DCDC1: variants seen among roughly 807,000 people sequenced by gnomAD.
DCDC1 encodes doublecortin domain containing 1.
DCDC1 carries 200 observed loss-of-function variants against 178.3 expected under a neutral mutation model. The observed-to-expected ratio is 1.12, with a 90% CI of 1.00 to 1.26. DCDC1 has a LOEUF of 1.26. DCDC1 is among the 50% of genes most tolerant of loss of function. DCDC1 has a pLI of 0.00. For missense variants in DCDC1, 1,983 were observed against 1,749.2 expected (o/e 1.13, Z -2.38); for synonymous variants, 690 against 604.8 (o/e 1.14, Z -2.07).
At chr11:30,938,196 C>T (rs994632870) in intron 21 of DCDC1, among the ~76,000 whole-genome samples, 7 of 152,082 alleles carry the variant, frequency 4.6e-5, no homozygotes, top group African/African-American at 1.7e-4. Context: ...CAGTTTCTCT[C>T]TCGTTCATTT....
At position 30,892,833 on chromosome 11, in the gene DCDC1, G is replaced by A; in HGVS notation, c.5067C>T (p.Gly1689=). 6.2e-7 allele frequency: 1 copy of A among 1,613,672 alleles called. No homozygotes were observed. Among genetic ancestry groups the A allele is most frequent in the Non-Finnish European group, 8.5e-7 (1 of 1,179,764 alleles). ...GRPEDGTYAW[G]KTISELLQDC... Reference sequence around the variant, plus strand: ...CTAGATTTACCTCTGAAATAGTTTTGCCCCAGGCATAAGTGCCATCTTCAG... The same window carrying A: ...CTAGATTTACCTCTGAAATAGTTTTACCCCAGGCATAAGTGCCATCTTCAG... The change falls in exon 36 of 39, where the codon GGC becomes GGT. Residue 1689 remains glycine, a synonymous_variant. Coordinates refer to ENST00000684477, the MANE Select transcript of DCDC1 (RefSeq NM_001387274.1).
At chr11:31,027,455 T>A (rs777384096) in intron 20 of DCDC1, among the ~76,000 whole-genome samples, 2 of 151,856 alleles carry the variant, frequency 1.3e-5, no homozygotes, top group Non-Finnish European at 3.0e-5. Flanking sequence ...AGGAAATGAT[T>A]TTAGCCCATT....
At chr11:31,274,149 A>G (rs1945799419) in intron 7 of DCDC1, among the ~76,000 whole-genome samples, 1 of 152,276 alleles carries the variant, frequency 6.6e-6, no homozygotes, top group Middle Eastern at 3.4e-3. Flanking sequence ...TCTTCATAGG[A>G]TCATGCATAT....
chr11:31,160,093 T>TA, intron 9 of DCDC1, among the ~76,000 whole-genome samples: 1 of 152,316 alleles, frequency 6.6e-6, no homozygotes, highest in Non-Finnish European at 1.5e-5. Flanking sequence ...TATAAGCCCT[T>TA]AGTCATTTGA....
intron 37 of DCDC1, among the ~76,000 whole-genome samples, chr11:30,880,150 G>A (rs532133084): frequency 2.6e-5 from 4 of 152,188 alleles, no homozygotes; most frequent in Admixed American, 6.5e-5. Context: ...CTCATCATTC[G>A]TGTGTTCTTC....
chr11:31,015,091 C>T (rs1327945413), intron 20 of DCDC1, among the ~76,000 whole-genome samples: 3 of 152,016 alleles, frequency 2.0e-5, no homozygotes, highest in South Asian at 2.1e-4. Context: ...GGACTACAGG[C>T]GCCTGCCACC....
chr11:31,200,022 T>C (rs925858510), intron 9 of DCDC1, among the ~76,000 whole-genome samples: 3 of 152,122 alleles, frequency 2.0e-5, no homozygotes, highest in Admixed American at 2.0e-4. Flanking sequence ...CTGGTATTTT[T>C]ATATGAAGAA....
chr11:31,358,775 G>A (rs553788191), intron 1 of DCDC1, among the ~76,000 whole-genome samples: 5,625 of 151,688 alleles, frequency 0.037, 163 homozygotes, highest in Non-Finnish European at 0.06. Flanking sequence ...GTGGGCAAAG[G>A]ATATGAACAG....
At chr11:31,174,585 C>G (rs557591277) in intron 9 of DCDC1, among the ~76,000 whole-genome samples, 251 of 152,288 alleles carry the variant, frequency 1.6e-3, no homozygotes, top group Non-Finnish European at 2.7e-3. Context: ...AAACCTGAAG[C>G]CTGGGGGCAA....
chr11:31,338,573 G>A (rs910078401), intron 1 of DCDC1, among the ~76,000 whole-genome samples: 4 of 152,170 alleles, frequency 2.6e-5, no homozygotes, highest in African/African-American at 9.7e-5. Flanking sequence ...GTGTCTAGCT[G>A]AAGCCTTTTT....
intron 6 of DCDC1, 37 bp downstream of exon 6, chr11:31,305,578 A>T: frequency 6.2e-7 from 1 of 1,603,962 alleles, no homozygotes; most frequent in African/African-American, 1.3e-5. Context: ...GCAATTCAGT[A>T]TGTGTGGGGG....
chr11:31,263,204 T>G (rs1483021087), intron 8 of DCDC1: 34 of 795,836 alleles, frequency 4.3e-5, no homozygotes, highest in Non-Finnish European at 6.0e-5. Flanking sequence ...TCTGATGTTT[T>G]AATTCCAGGT....
At chr11:31,160,559 ACTC>A (rs1270397733) in intron 9 of DCDC1, among the ~76,000 whole-genome samples, 1 of 151,944 alleles carries the variant, frequency 6.6e-6, no homozygotes, top group Non-Finnish European at 1.5e-5. Flanking sequence ...TTAAAAGAGT[ACTC>A]CTGATTTTCT....
chr11:30,943,701 T>A (rs900336973), intron 21 of DCDC1: 1 of 446,144 alleles, frequency 2.2e-6, no homozygotes, highest in Non-Finnish European at 4.5e-6. Context: ...ACCAAAAGAA[T>A]TTATTAATGT....
chr11:31,195,768 G>GT lies in DCDC1; in HGVS notation c.1221+45681dup, dbSNP rs766300578. On this transcript the variant is annotated intron_variant, in intron 9 of 38. Transcript: ENST00000684477. ...AAAAGCTGGGACCATAAATATTTTT[G>GT]TTTTTTTTTACCTTCGTGTACCTCG... is the stretch of plus-strand genomic sequence containing the variant. Among the ~76,000 whole-genome samples, 109 of 150,082 alleles carry GT rather than the reference G, an allele frequency of 7.3e-4. 1 individual carries two copies. The highest frequency in any genetic ancestry group is 2.1e-3 in the African/African-American group (88 of 41,004).
At chr11:30,946,296 G>T (rs1462542973) in intron 21 of DCDC1, among the ~76,000 whole-genome samples, 1 of 152,106 alleles carries the variant, frequency 6.6e-6, no homozygotes, top group Non-Finnish European at 1.5e-5. Flanking sequence ...AACCTCTGTA[G>T]AGAAATCGGT....
chr11:31,011,070 T>A (rs1441742149), intron 20 of DCDC1, among the ~76,000 whole-genome samples: 1 of 152,064 alleles, frequency 6.6e-6, no homozygotes, highest in Non-Finnish European at 1.5e-5. Flanking sequence ...TTTAGTGAGG[T>A]AATAATGGAC....
At chr11:31,263,325 T>C (rs1944918938) in intron 8 of DCDC1, among the ~76,000 whole-genome samples, 1 of 152,092 alleles carries the variant, frequency 6.6e-6, no homozygotes, top group Non-Finnish European at 1.5e-5. Context: ...AAAGAAAATC[T>C]TAGCCAGAGT....
At chr11:31,258,664 TTAGCACATAAGCCTCAGAAACACAAA>T (rs1261306015) in intron 8 of DCDC1, among the ~76,000 whole-genome samples, 8 of 152,176 alleles carry the variant, frequency 5.3e-5, no homozygotes, top group Admixed American at 1.3e-4. Context: ...ACTGGGACCC[TTAGCACATAAGCCTCAGAAACACAAA>T]TAGCTGCTTC....
Sources: gnomAD v4.1 joint callset for allele counts (sites outside exome capture counted in the v4.1 genomes callset) on GRCh38, gnomAD v4.1.1 for gene constraint, MANE v1.5 for transcripts, NCBI Gene and HGNC (gene_info 2026-07-23, HGNC 2026-07-21) for gene names.